PRKCB: variants seen among roughly 807,000 people sequenced by gnomAD.
PRKCB encodes protein kinase C beta, also known as protein kinase C beta type.
PRKCB carries 13 observed loss-of-function variants against 81.5 expected under a neutral mutation model. The observed-to-expected ratio is 0.16, with a 90% CI of 0.10 to 0.25. PRKCB has a LOEUF of 0.25. PRKCB is among the 10% of genes least tolerant of loss of function. The pLI, the probability that PRKCB is intolerant of heterozygous loss-of-function variation, is 1.00. For missense variants in PRKCB, 509 were observed against 875.7 expected (o/e 0.58, Z 5.29); for synonymous variants, 335 against 321.4 (o/e 1.04, Z -0.45).
chr16:24,026,209 C>T (rs1965477912), intron 3 of PRKCB, among the ~76,000 whole-genome samples: 1 of 152,276 alleles, frequency 6.6e-6, no homozygotes, highest in South Asian at 2.1e-4. Flanking sequence ...GTGGAAGGGT[C>T]GCTTGAACCT....
intron 2 of PRKCB, among the ~76,000 whole-genome samples, chr16:23,840,188 T>C (rs1299675077): frequency 6.6e-6 from 1 of 152,200 alleles, no homozygotes; most frequent in African/African-American, 2.4e-5. Context: ...TAGTATCTGA[T>C]TGTTCTTGGT....
intron 1 of PRKCB, among the ~76,000 whole-genome samples, chr16:23,836,775 G>GGGT (rs1214426899): frequency 6.6e-6 from 1 of 151,322 alleles, no homozygotes; most frequent in Non-Finnish European, 1.5e-5. Flanking sequence ...TTCCGGGGGG[G>GGGT]GCGGCGCCCT....
chr16:24,172,261 C>G lies in PRKCB; in HGVS notation c.1240-9C>G, dbSNP rs751510201. 1.2e-6 allele frequency: 2 copies of G among 1,611,924 alleles called. No individual in the cohort carries two copies. Among genetic ancestry groups the G allele is most frequent in the Non-Finnish European group, 1.7e-6 (2 of 1,178,312 alleles). On this transcript the variant is annotated splice_polypyrimidine_tract_variant and intron_variant, in intron 10 of 16. Transcript: ENST00000643927. ...GATGCTAATGTTGCTGTTTGCTGTC[C>G]TCTTCCAGGACCGCCTGTACTTTGT...
At chr16:24,057,344 C>A (rs898435470) in intron 5 of PRKCB, among the ~76,000 whole-genome samples, 1 of 152,084 alleles carries the variant, frequency 6.6e-6, no homozygotes, top group African/African-American at 2.4e-5. Flanking sequence ...GCCCAAAGTC[C>A]CATCGCTAGG....
At chr16:23,882,749 T>C (rs1157273876) in intron 2 of PRKCB, among the ~76,000 whole-genome samples, 2 of 100,954 alleles carry the variant, frequency 2.0e-5, no homozygotes, top group Non-Finnish European at 3.7e-5. Context: ...TATACAAATA[T>C]CTTTTTTTTT....
intron 3 of PRKCB, among the ~76,000 whole-genome samples, chr16:24,017,468 G>A (rs1207791987): frequency 2.5e-4 from 38 of 151,456 alleles, no homozygotes. Flanking sequence ...ACAGGAAAAG[G>A]GAAAAATTTG....
chr16:24,006,988 T>TA (rs1420532372), intron 3 of PRKCB, among the ~76,000 whole-genome samples: 1 of 152,196 alleles, frequency 6.6e-6, no homozygotes, highest in Admixed American at 6.5e-5. Context: ...ATCCATGTGT[T>TA]AAAAAGTTCT....
At chr16:23,894,098 A>T (rs1164924036) in intron 2 of PRKCB, among the ~76,000 whole-genome samples, 1 of 152,168 alleles carries the variant, frequency 6.6e-6, no homozygotes, top group East Asian at 1.9e-4. Flanking sequence ...ACTGCATGGG[A>T]TGATGGTGGT....
intron 2 of PRKCB, among the ~76,000 whole-genome samples, chr16:23,856,605 C>A (rs533424760): frequency 1.3e-5 from 2 of 151,202 alleles, no homozygotes; most frequent in Admixed American, 6.6e-5. Context: ...CTGACTGTAT[C>A]CTCAACCTCC....
At chr16:24,080,055 T>C (rs1966229615) in intron 5 of PRKCB, among the ~76,000 whole-genome samples, 1 of 152,196 alleles carries the variant, frequency 6.6e-6, no homozygotes, top group Non-Finnish European at 1.5e-5. Flanking sequence ...TTATGAAAGA[T>C]TTTTGTTTGA....
Position 24,217,203 on chromosome 16 carries a change from G to A in PRKCB, c.*2387G>A. ...GAAGGAATATAGTGTTATAAATACTGCACTCAACATTTTCCAAATTCTTGC... is the reference window on the plus strand; with the variant it reads ...GAAGGAATATAGTGTTATAAATACTACACTCAACATTTTCCAAATTCTTGC... On this transcript the variant is annotated 3_prime_UTR_variant, in exon 17 of 17. Transcript: ENST00000643927. 1 of 984,698 alleles carries A rather than the reference G, an allele frequency of 1.0e-6. No homozygotes were observed. Among genetic ancestry groups the A allele is most frequent in the East Asian group, 1.1e-4 (1 of 8,820 alleles). The allele number at this position is 984,698 out of a possible 1,614,324, so 61.0% of individuals were successfully genotyped here. A position where few individuals can be genotyped will look rare whatever the true frequency, so the allele number is the denominator to read the frequency against.
chr16:24,092,080 TC>T (rs942160550), intron 5 of PRKCB, among the ~76,000 whole-genome samples: 7 of 152,354 alleles, frequency 4.6e-5, no homozygotes, highest in African/African-American at 1.7e-4. Flanking sequence ...TATAGAATAT[TC>T]ACAGTGTTGG....
intron 5 of PRKCB, among the ~76,000 whole-genome samples, chr16:24,036,896 G>A (rs1272236163): frequency 3.9e-5 from 6 of 152,178 alleles, no homozygotes; most frequent in Admixed American, 3.9e-4. Flanking sequence ...TCCAAAGCAT[G>A]ACTGCGGGCA....
chr16:24,044,928 G>A (rs1040488299), intron 5 of PRKCB, among the ~76,000 whole-genome samples: 6 of 152,150 alleles, frequency 3.9e-5, no homozygotes, highest in Admixed American at 3.3e-4. Flanking sequence ...GTGAAGTTTT[G>A]TCTGTATATT....
intron 2 of PRKCB, among the ~76,000 whole-genome samples, chr16:23,865,551 GTGTGTGTGTGTGTGTGTGTA>G (rs1303508417): frequency 0.075 from 5,195 of 69,658 alleles, 716 homozygotes; most frequent in Non-Finnish European, 0.089. Context: ...GTGTGTGTGT[GTGTGTGTGTGTGTGTGTGTA>G]TATGTATATT....
intron 2 of PRKCB, among the ~76,000 whole-genome samples, chr16:23,910,752 C>T (rs1312114402): frequency 6.6e-6 from 1 of 152,062 alleles, no homozygotes; most frequent in Non-Finnish European, 1.5e-5. Context: ...TAAGCCATCA[C>T]CACTATTTAA....
chr16:24,120,860 C>T (rs750520793), intron 8 of PRKCB, among the ~76,000 whole-genome samples: 20 of 152,006 alleles, frequency 1.3e-4, no homozygotes, highest in Admixed American at 1.0e-3. Context: ...CAGCCTCCCG[C>T]GTAGCTGGGA....
At chr16:24,048,188 C>T (rs891768556) in intron 5 of PRKCB, among the ~76,000 whole-genome samples, 1 of 152,194 alleles carries the variant, frequency 6.6e-6, no homozygotes, top group Non-Finnish European at 1.5e-5. Context: ...GGGCGAAGCA[C>T]GTTGCTCAGC....
chr16:23,956,979 T>TAAAAAAAAAAAA (rs10714409), intron 2 of PRKCB, among the ~76,000 whole-genome samples: 1 of 45,954 alleles, frequency 2.2e-5, no homozygotes, highest in African/African-American at 8.9e-5. Context: ...CTATAGGCAG[T>TAAAAAAAAAAAA]AAAAAAAAAA....
Sources: gnomAD v4.1 joint callset for allele counts (sites outside exome capture counted in the v4.1 genomes callset) on GRCh38, gnomAD v4.1.1 for gene constraint, MANE v1.5 for transcripts, NCBI Gene and HGNC (gene_info 2026-07-23, HGNC 2026-07-21) for gene names.